Variants in A2ML1 observed in about 807,000 individuals in gnomAD.
A2ML1 encodes alpha-2-macroglobulin-like protein 1.
A neutral mutation model predicts 181.9 loss-of-function variants in A2ML1; 161 were observed. The ratio of observed to expected loss-of-function variants is 0.89; its 90% CI spans 0.78 to 1.01. The LOEUF is 1.01. Among genes scored for constraint, A2ML1 ranks in the 50% least tolerant of loss-of-function variants. The probability of loss-of-function intolerance (pLI) is 0.00; values close to 1 mark genes in which losing one functional copy is unlikely to be tolerated. For synonymous variants in A2ML1, 663 were observed against 666.8 expected (o/e 0.99, Z 0.09); for missense variants, 1,670 against 1,768.1 (o/e 0.94, Z 1.00).
Position 8,837,420 on chromosome 12 carries a change from C to A in A2ML1, c.729-20C>A. ...AAGTGGAATTTCCCAACTCTGACTC[C>A]TTATGCTTTTCTTGGTTAGGTACAC... On this transcript the variant is annotated intron_variant, in intron 7 of 35. Transcript: ENST00000299698. 3.7e-6 allele frequency: 6 copies of A among 1,612,772 alleles called. No homozygotes were observed. Among genetic ancestry groups the A allele is most frequent in the Non-Finnish European group, 5.1e-6 (6 of 1,179,164 alleles).
At chr12:8,845,353 A>T in intron 12 of A2ML1, 89 bp from the exon 13 acceptor site, 1 of 1,482,314 alleles carries the variant, frequency 6.7e-7, no homozygotes. Flanking sequence ...ACCTCTCCTC[A>T]TGAAGGGATG....
chr12:8,829,208 C>T (rs1361233215), intron 3 of A2ML1, among the ~76,000 whole-genome samples: 1 of 152,148 alleles, frequency 6.6e-6, no homozygotes, highest in African/African-American at 2.4e-5. Context: ...GGAGGGTGGT[C>T]AATGGAGGCT....
At chr12:8,857,781 C>A in intron 25 of A2ML1, 165 bp from the exon 26 acceptor site, 1 of 1,141,294 alleles carries the variant, frequency 8.8e-7, no homozygotes, top group Non-Finnish European at 1.3e-6. Context: ...CTCCCCTGTT[C>A]TTGTCCTCAT....
At chr12:8,834,936 A>C in intron 5 of A2ML1, 1 of 522,550 alleles carries the variant, frequency 1.9e-6, no homozygotes, top group Non-Finnish European at 3.4e-6. Flanking sequence ...TCATTCCCCT[A>C]ACTTCTCTGT....
At chr12:8,828,217 G>A (rs1005273667) in intron 3 of A2ML1, among the ~76,000 whole-genome samples, 2 of 152,210 alleles carry the variant, frequency 1.3e-5, no homozygotes, top group Non-Finnish European at 2.9e-5. Context: ...GACCCTGGAA[G>A]GTCCAGAGAT....
intron 4 of A2ML1, among the ~76,000 whole-genome samples, chr12:8,833,664 G>C (rs945240495): frequency 2.0e-5 from 3 of 152,164 alleles, no homozygotes; most frequent in African/African-American, 7.2e-5. Context: ...CCAAAGTGCT[G>C]GGATTACAGG....
At chr12:8,862,671 G>C (rs895122913) in intron 28 of A2ML1, among the ~76,000 whole-genome samples, 1 of 152,136 alleles carries the variant, frequency 6.6e-6, no homozygotes, top group African/African-American at 2.4e-5. Flanking sequence ...TCCTCTCACA[G>C]GGGGTCAGGT....
rs1387666849 is a variant in A2ML1 at position 8,858,010 on chromosome 12, A to G, written c.3172A>G (p.Asn1058Asp). 2 of 1,614,166 alleles carry G rather than the reference A, an allele frequency of 1.2e-6. No homozygotes were observed. The highest frequency in any genetic ancestry group is 4.5e-5 in the East Asian group (2 of 44,886). ...GAAATTCATCTTCATTGATCCCAAG[A>G]ACATCCAGGATGCTCTCAAGTGGAT... is the stretch of plus-strand genomic sequence containing the variant. ...AQKFIFIDPKNIQDALKWMAG... is the reference protein window; with the variant it reads ...AQKFIFIDPKDIQDALKWMAG... Residue 1058 changes from asparagine to aspartate, a missense_variant, in exon 26 of 36, where the codon AAC becomes GAC. Asn to Asp is a conservative substitution (Grantham distance 23, BLOSUM62 1). Coordinates refer to ENST00000299698, the MANE Select transcript of A2ML1 (RefSeq NM_144670.6).
intron 3 of A2ML1, among the ~76,000 whole-genome samples, chr12:8,826,884 G>C (rs1942947116): frequency 6.6e-6 from 1 of 152,076 alleles, no homozygotes; most frequent in Non-Finnish European, 1.5e-5. Flanking sequence ...CTCCCAAAGT[G>C]CTGGGGTTAC....
rs1429297662 is a variant in A2ML1 at position 8,835,796 on chromosome 12, G to C, written c.643+130G>C. 34 of 1,161,924 alleles carry C rather than the reference G, an allele frequency of 2.9e-5. No individual in the cohort carries two copies. The South Asian group carries it at 5.0e-4, about 17-fold the overall frequency. The allele number at this position is 1,161,924 out of a possible 1,614,324, so 72.0% of individuals were successfully genotyped here. On this transcript the variant is annotated intron_variant, in intron 6 of 35. Coordinates refer to ENST00000299698, the MANE Select transcript of A2ML1 (RefSeq NM_144670.6). ...TGGGAGGCCGAGGCGGGCAGATCATGAGGTCAGGAGATCGAGACCACCCTG... is the reference window on the plus strand; with the variant it reads ...TGGGAGGCCGAGGCGGGCAGATCATCAGGTCAGGAGATCGAGACCACCCTG...
Position 8,823,785 on chromosome 12 carries a change from C to T in A2ML1, c.312C>T (p.Asn104=), listed in dbSNP as rs756128739. 2.5e-6 allele frequency: 4 copies of T among 1,614,076 alleles called. No individual in the cohort carries two copies. In the South Asian group the frequency reaches 3.3e-5, roughly 13 times the overall value. ...TCCGGGTGTCGGGAGTTGGAAATAACATCAGCTTTGAGGAGAAGAAAAAGG... is the reference window on the plus strand; with the variant it reads ...TCCGGGTGTCGGGAGTTGGAAATAATATCAGCTTTGAGGAGAAGAAAAAGG... ...ATIRVSGVGN[N]ISFEEKKKVL... The change falls in exon 3 of 36, where the codon AAC becomes AAT. Residue 104 remains asparagine, a synonymous_variant. Transcript: ENST00000299698.
intron 7 of A2ML1, among the ~76,000 whole-genome samples, chr12:8,885,560 C>T (rs1031008301): frequency 1.3e-5 from 2 of 152,042 alleles, no homozygotes; most frequent in African/African-American, 4.8e-5. Context: ...CGGGCTCAAG[C>T]AATCCTCCCA....
At position 8,838,341 on chromosome 12, in the gene A2ML1, C is replaced by A. The variant is rs61921916; in HGVS notation, c.861C>A (p.Asp287Glu). ...GTCTCTGATCACCTCACTAGACTGA[C>A]AAAACAGGATGTTTCTCAGCACCTG... ...DKCRNLSGQTDKTGCFSAPVD... is the reference protein window; with the variant it reads ...DKCRNLSGQTEKTGCFSAPVD... The change falls in exon 9 of 36, where the codon GAC (aspartate) becomes GAA (glutamate). Residue 287 changes from aspartate (D) to glutamate (E), a missense_variant. Transcript: ENST00000299698. The A allele has an allele frequency of 9.9e-3, 15,965 of 1,612,544 alleles. 93 individuals carry two copies. The highest frequency in any genetic ancestry group is 0.011 in the Non-Finnish European group (13,554 of 1,178,872).
rs775326962 is a variant in A2ML1 at position 8,867,908 on chromosome 12, A to G, written c.3784A>G (p.Ile1262Val). The change falls in exon 30 of 36, where the codon ATC (isoleucine) becomes GTC (valine). Residue 1262 changes from isoleucine to valine, a missense_variant. By Grantham distance (29) the Ile-to-Val change is conservative. Transcript: ENST00000299698. ...TACCGCCTACATGCCATCTGAGGAG[A>G]TCAACCTGGTTGTAAAATCCACTGA... is the stretch of plus-strand genomic sequence containing the variant. ...ATTAYMPSEE[I>V]NLVVKSTENF... 8 of 1,614,120 alleles carry G rather than the reference A, an allele frequency of 5.0e-6. No individual in the cohort carries two copies. The highest frequency in any genetic ancestry group is 6.8e-6 in the Non-Finnish European group (8 of 1,180,046).
At chr12:8,868,427 T>A in intron 31 of A2ML1, 70 bp downstream of exon 31, 1 of 1,587,396 alleles carries the variant, frequency 6.3e-7, no homozygotes, top group Non-Finnish European at 8.6e-7. Context: ...GACACTTGTG[T>A]GTGTGTGTGT....
At chr12:8,863,352 C>T (rs925072850) in intron 28 of A2ML1, among the ~76,000 whole-genome samples, 2 of 152,008 alleles carry the variant, frequency 1.3e-5, no homozygotes, top group Non-Finnish European at 2.9e-5. Context: ...GTGATCCACC[C>T]GCCTCGGCCT....
At chr12:8,872,344 A>T (rs1467042803) in intron 33 of A2ML1, among the ~76,000 whole-genome samples, 2 of 152,124 alleles carry the variant, frequency 1.3e-5, no homozygotes, top group Non-Finnish European at 2.9e-5. Context: ...AGGACCTCAA[A>T]CAGCTTTCGG....
chr12:8,823,953 T>G (rs1224867735), intron 3 of A2ML1, 71 bp downstream of exon 3: 5 of 1,508,334 alleles, frequency 3.3e-6, no homozygotes, highest in Non-Finnish European at 4.4e-6. Context: ...AAGAGGGGAT[T>G]TGTGGTTTGA....
intron 33 of A2ML1, among the ~76,000 whole-genome samples, chr12:8,870,254 GC>G (rs1412234873): frequency 2.0e-5 from 3 of 151,710 alleles, no homozygotes; most frequent in African/African-American, 7.3e-5. Flanking sequence ...TGTTGTGTGA[GC>G]CGTGTATAGT....
Sources: gnomAD v4.1 joint callset for allele counts (sites outside exome capture counted in the v4.1 genomes callset) on GRCh38, gnomAD v4.1.1 for gene constraint, MANE v1.5 for transcripts, NCBI Gene and HGNC (gene_info 2026-07-23, HGNC 2026-07-21) for gene names.